Variants in CPNE8 observed in about 807,000 individuals in gnomAD.
CPNE8 encodes copine 8, also known as copine-8.
Under a neutral mutation model 81.5 loss-of-function variants are expected in CPNE8, and 45 were observed. That is an observed-to-expected ratio of 0.55 (90% CI 0.44 to 0.71). CPNE8 has a LOEUF of 0.71. Among genes scored for constraint, CPNE8 ranks in the 30% least tolerant of loss-of-function variants. The pLI is 0.00. For missense variants in CPNE8, 594 were observed against 672.1 expected (o/e 0.88, Z 1.28); for synonymous variants, 252 against 226.3 (o/e 1.11, Z -1.02).
chr12:38,833,147 G>A (rs1356725266), intron 5 of CPNE8, among the ~76,000 whole-genome samples: 2 of 151,712 alleles, frequency 1.3e-5, no homozygotes, highest in East Asian at 2.0e-4. Flanking sequence ...GAGGTCAGGC[G>A]ATCAAGACCA....
intron 19 of CPNE8, among the ~76,000 whole-genome samples, chr12:38,669,059 A>T (rs559169457): frequency 3.2e-4 from 48 of 152,164 alleles, no homozygotes; most frequent in African/African-American, 1.1e-3. Flanking sequence ...CTCAAAAAAA[A>T]AAATAAAATA....
In CPNE8 at chr12:38,792,126, A is replaced by G. The variant is rs1942340018; in HGVS notation, c.408-15825T>C. On this transcript the variant is annotated intron_variant, in intron 6 of 19. Coordinates refer to ENST00000331366, the MANE Select transcript of CPNE8 (RefSeq NM_153634.3). ...TTTATAGCTGTAAACATATATATTT[A>G]CAAAAAGAAAGATCTCAAGTCAACA... Among the ~76,000 whole-genome samples, 3 of 151,418 alleles carry G rather than the reference A, an allele frequency of 2.0e-5. No individual in the cohort carries two copies. The South Asian group carries it at 6.2e-4, about 31-fold the overall frequency.
chr12:38,682,024 A>G (rs946391352), intron 16 of CPNE8, among the ~76,000 whole-genome samples: 5 of 151,222 alleles, frequency 3.3e-5, no homozygotes, highest in African/African-American at 1.2e-4. Context: ...GTTGGAGACC[A>G]GCCTGGCCAA....
intron 15 of CPNE8, among the ~76,000 whole-genome samples, chr12:38,687,405 G>A (rs1212140207): frequency 1.6e-5 from 2 of 123,984 alleles, no homozygotes; most frequent in African/African-American, 3.2e-5. Context: ...TTTGTGAGAC[G>A]GACTCTTGCT....
intron 1 of CPNE8, among the ~76,000 whole-genome samples, chr12:38,903,588 C>T (rs146104775): frequency 5.4e-4 from 82 of 152,336 alleles, no homozygotes; most frequent in African/African-American, 1.9e-3. Context: ...AAAATTCAGA[C>T]TTGATTGACA....
intron 6 of CPNE8, among the ~76,000 whole-genome samples, chr12:38,799,845 G>A (rs1026427631): frequency 2.7e-5 from 4 of 150,348 alleles, no homozygotes; most frequent in African/African-American, 7.3e-5. Context: ...CCTCACCTGG[G>A]AAGCGCAAGG....
intron 16 of CPNE8, 52 bp from the exon 17 acceptor site, chr12:38,677,606 G>C: frequency 1.0e-6 from 1 of 985,276 alleles, no homozygotes; most frequent in South Asian, 1.3e-5. Flanking sequence ...TATATGTGAT[G>C]GTTGGTAAAT....
At chr12:38,900,799 T>G (rs965832419) in intron 1 of CPNE8, among the ~76,000 whole-genome samples, 3 of 152,202 alleles carry the variant, frequency 2.0e-5, no homozygotes, top group African/African-American at 2.4e-5. Context: ...GCTGGGTTCA[T>G]GCAAGGAGTG....
chr12:38,879,315 T>C (rs1408377714), intron 1 of CPNE8, among the ~76,000 whole-genome samples: 2 of 150,128 alleles, frequency 1.3e-5, no homozygotes, highest in African/African-American at 4.9e-5. Context: ...AGTCTCTGTT[T>C]CCCCTTTTTT....
chr12:38,874,495 C>A lies in CPNE8; in HGVS notation c.115G>T (p.Asp39Tyr). 1 of 1,607,836 alleles carries A rather than the reference C, an allele frequency of 6.2e-7. No individual in the cohort carries two copies. Among genetic ancestry groups the A allele is most frequent in the South Asian group, 1.1e-5 (1 of 90,200 alleles). ...SVSCRNLLDR[D>Y]TFSKSDPICV... The stretch of plus-strand genomic sequence containing the variant: ...CTTGGATCAGATTTAGAAAATGTGT[C>A]TCTGTCAAGAAGATTTCTGTTGAAT... Residue 39 changes from aspartate (D) to tyrosine (Y), a missense_variant, in exon 2 of 20, where the codon GAC becomes TAC. Physicochemically the swap from Asp to Tyr is radical, Grantham distance 160. Transcript: ENST00000331366.
intron 14 of CPNE8, among the ~76,000 whole-genome samples, chr12:38,701,098 G>T (rs1477257545): frequency 6.6e-6 from 1 of 152,160 alleles, no homozygotes; most frequent in Non-Finnish European, 1.5e-5. Context: ...GTTTGGGTGT[G>T]TAATTCTCTT....
chr12:38,783,858 G>T (rs1942107769), intron 6 of CPNE8, among the ~76,000 whole-genome samples: 1 of 152,190 alleles, frequency 6.6e-6, no homozygotes, highest in African/African-American at 2.4e-5. Context: ...CAACACTCGA[G>T]TTTTCTGAAA....
chr12:38,803,765 G>A lies in CPNE8; in HGVS notation c.407+25614C>T, dbSNP rs980324473. On this transcript the variant is annotated intron_variant, in intron 6 of 19. Transcript: ENST00000331366. Reference sequence around the variant, plus strand: ...GATTGTTTATCTAGAAAACCCCAACGTCTCAGCCCAAAATCTCCTTAAGCT... The same window carrying A: ...GATTGTTTATCTAGAAAACCCCAACATCTCAGCCCAAAATCTCCTTAAGCT... Among the ~76,000 whole-genome samples the A allele has an allele frequency of 1.1e-4, 13 of 123,284 alleles. No homozygotes were observed. The East Asian group carries it at 1.8e-3, about 17-fold the overall frequency. 80.9% of individuals were successfully genotyped at this position (123,284 alleles called of 152,430 possible). A position where few individuals can be genotyped will look rare whatever the true frequency, so the allele number is the denominator to read the frequency against.
chr12:38,839,351 A>C (rs1213840648), intron 5 of CPNE8, among the ~76,000 whole-genome samples: 1 of 152,044 alleles, frequency 6.6e-6, no homozygotes, highest in African/African-American at 2.4e-5. Flanking sequence ...CCTGGCAACT[A>C]GAGCTCTTGA....
At chr12:38,762,011 T>C (rs1209785209) in intron 9 of CPNE8, 101 bp downstream of exon 9, 1 of 508,660 alleles carries the variant, frequency 2.0e-6, no homozygotes, top group African/African-American at 2.0e-5. Context: ...GGAAAATAAG[T>C]TTAACCAAAT....
At chr12:38,723,678 TG>T in intron 13 of CPNE8, 93 bp downstream of exon 13, 1 of 778,384 alleles carries the variant, frequency 1.3e-6, no homozygotes, top group Non-Finnish European at 2.3e-6. Flanking sequence ...ATAATAAAGG[TG>T]ATCATTTCAG....
chr12:38,681,219 T>C (rs766634036), intron 16 of CPNE8, among the ~76,000 whole-genome samples: 6 of 152,094 alleles, frequency 3.9e-5, no homozygotes, highest in Non-Finnish European at 7.4e-5. Flanking sequence ...ATAGAAATTT[T>C]TTTTAAATGA....
At chr12:38,736,115 A>G (rs1270632888) in intron 10 of CPNE8, among the ~76,000 whole-genome samples, 1 of 151,804 alleles carries the variant, frequency 6.6e-6, no homozygotes, top group Non-Finnish European at 1.5e-5. Flanking sequence ...TCTTAGCCAC[A>G]CCTGCTCATT....
At chr12:38,752,500 A>G (rs1266849501) in intron 10 of CPNE8, among the ~76,000 whole-genome samples, 1 of 152,164 alleles carries the variant, frequency 6.6e-6, no homozygotes, top group African/African-American at 2.4e-5. Flanking sequence ...TCTGGCAAAG[A>G]AAAGGCCTCC....
Sources: gnomAD v4.1 joint callset for allele counts (sites outside exome capture counted in the v4.1 genomes callset) on GRCh38, gnomAD v4.1.1 for gene constraint, MANE v1.5 for transcripts, NCBI Gene and HGNC (gene_info 2026-07-23, HGNC 2026-07-21) for gene names.